Variants in GPC5 observed in about 807,000 individuals in gnomAD.
GPC5 encodes the protein glypican 5.
GPC5 carries 47 observed loss-of-function variants against 53.9 expected under a neutral mutation model. The ratio of observed to expected loss-of-function variants is 0.87; its 90% confidence interval spans 0.69 to 1.11. GPC5 has a LOEUF of 1.11. Ranked by LOEUF, GPC5 falls within the 50% of genes most tolerant of loss-of-function variation. The pLI is 0.00. For missense variants in GPC5, 748 were observed against 713.1 expected (o/e 1.05, Z -0.56); for synonymous variants, 286 against 263.3 (o/e 1.09, Z -0.84).
chr13:91,525,371 A>G (rs1018593856), intron 2 of GPC5, among the ~76,000 whole-genome samples: 7 of 152,174 alleles, frequency 4.6e-5, no homozygotes, highest in Non-Finnish European at 8.8e-5. Context: ...ATTGAAATCC[A>G]TTGGTGGTAT....
intron 7 of GPC5, among the ~76,000 whole-genome samples, chr13:92,330,265 G>A (rs1019915295): frequency 6.6e-6 from 1 of 152,188 alleles, no homozygotes; most frequent in Non-Finnish European, 1.5e-5. Flanking sequence ...GAGGCTGCCA[G>A]TGGTCGAGTT....
At chr13:92,643,080 T>A (rs1305014898) in intron 7 of GPC5, among the ~76,000 whole-genome samples, 1 of 152,200 alleles carries the variant, frequency 6.6e-6, no homozygotes, top group Non-Finnish European at 1.5e-5. Flanking sequence ...TGTTCGTTTT[T>A]TTCTTGTAAA....
At chr13:92,504,312 T>G (rs1023851781) in intron 7 of GPC5, among the ~76,000 whole-genome samples, 1 of 151,888 alleles carries the variant, frequency 6.6e-6, no homozygotes, top group African/African-American at 2.4e-5. Flanking sequence ...TGTTGACAGG[T>G]ATAAAACACT....
intron 7 of GPC5, among the ~76,000 whole-genome samples, chr13:92,395,864 G>C (rs909183379): frequency 6.8e-6 from 1 of 147,332 alleles, no homozygotes. Context: ...CTTTGTTTTG[G>C]TTTTCTGCAG....
At chr13:92,014,398 T>C (rs1272097109) in intron 6 of GPC5, among the ~76,000 whole-genome samples, 2 of 152,188 alleles carry the variant, frequency 1.3e-5, no homozygotes, top group Non-Finnish European at 2.9e-5. Context: ...CACGTTGTTG[T>C]TGGTGTTTAT....
chr13:92,332,232 T>C (rs1278487727), intron 7 of GPC5, among the ~76,000 whole-genome samples: 1 of 152,148 alleles, frequency 6.6e-6, no homozygotes. Context: ...AGGCAGGATA[T>C]ATTTGAATTT....
At chr13:91,702,095 C>T (rs915019474) in intron 3 of GPC5, among the ~76,000 whole-genome samples, 3 of 151,956 alleles carry the variant, frequency 2.0e-5, no homozygotes, top group African/African-American at 7.2e-5. Flanking sequence ...TGTATGTTTT[C>T]CTTGGAGAAA....
At chr13:91,947,619 A>C (rs1263894695) in intron 6 of GPC5, among the ~76,000 whole-genome samples, 1 of 135,514 alleles carries the variant, frequency 7.4e-6, no homozygotes, top group Non-Finnish European at 1.7e-5. Flanking sequence ...TTGCTGCCTA[A>C]TGTGCTAGTA....
At chr13:91,435,812 G>A (rs183645783) in intron 1 of GPC5, among the ~76,000 whole-genome samples, 2 of 152,142 alleles carry the variant, frequency 1.3e-5, no homozygotes, top group Non-Finnish European at 1.5e-5. Context: ...GAATCCATCT[G>A]GTCCTGGACT....
intron 7 of GPC5, among the ~76,000 whole-genome samples, chr13:92,393,917 AT>A (rs147868726): frequency 0.032 from 4,805 of 152,112 alleles, 136 homozygotes; most frequent in East Asian, 0.15. Flanking sequence ...TTTCCTTGAG[AT>A]TTTTTTATCT....
intron 5 of GPC5, among the ~76,000 whole-genome samples, chr13:91,876,903 C>T (rs1273460266): frequency 6.6e-6 from 1 of 152,170 alleles, no homozygotes; most frequent in African/African-American, 2.4e-5. Context: ...CCCAGGGTGC[C>T]TGTGCTATAT....
chr13:92,551,593 T>C (rs1012700615), intron 7 of GPC5, among the ~76,000 whole-genome samples: 2 of 151,894 alleles, frequency 1.3e-5, no homozygotes, highest in Admixed American at 1.3e-4. Context: ...GAAAGCAACC[T>C]GTTTTTATTT....
intron 7 of GPC5, among the ~76,000 whole-genome samples, chr13:92,757,181 A>G (rs1171894615): frequency 2.0e-5 from 3 of 152,204 alleles, no homozygotes; most frequent in Non-Finnish European, 4.4e-5. Context: ...AACGCCGCAT[A>G]TCTACAACTA....
At chr13:92,235,103 G>A (rs2042560599) in intron 7 of GPC5, among the ~76,000 whole-genome samples, 1 of 152,082 alleles carries the variant, frequency 6.6e-6, no homozygotes, top group Non-Finnish European at 1.5e-5. Context: ...AAAAATTGGG[G>A]ACTAGAAGAG....
chr13:92,703,802 G>A (rs1018855644), intron 7 of GPC5, among the ~76,000 whole-genome samples: 2 of 151,832 alleles, frequency 1.3e-5, no homozygotes, highest in Non-Finnish European at 2.9e-5. Flanking sequence ...TGTTCAGTAA[G>A]TTTAAATATA....
At chr13:92,076,564 A>ATTTTTT (rs35009219) in intron 6 of GPC5, among the ~76,000 whole-genome samples, 1 of 148,158 alleles carries the variant, frequency 6.7e-6, no homozygotes, top group Non-Finnish European at 1.5e-5. Flanking sequence ...CTAAGCTCAG[A>ATTTTTT]TTTTTTTTTT....
chr13:92,385,349 T>C (rs2043784614), intron 7 of GPC5, among the ~76,000 whole-genome samples: 1 of 89,274 alleles, frequency 1.1e-5, no homozygotes, highest in Non-Finnish European at 2.3e-5. Context: ...TATATATACA[T>C]ATATACATAT....
chr13:91,751,710 A>C (rs531543720), intron 4 of GPC5, among the ~76,000 whole-genome samples: 1 of 152,312 alleles, frequency 6.6e-6, no homozygotes, highest in South Asian at 2.1e-4. Flanking sequence ...AAACAAGCTC[A>C]TTACCACAAA....
intron 7 of GPC5, among the ~76,000 whole-genome samples, chr13:92,609,446 C>T (rs1021538543): frequency 6.6e-6 from 1 of 152,116 alleles, no homozygotes; most frequent in Non-Finnish European, 1.5e-5. Flanking sequence ...AAGGAAAACA[C>T]TGGAAATGGC....
Sources: gnomAD v4.1 joint callset for allele counts (sites outside exome capture counted in the v4.1 genomes callset) on GRCh38, gnomAD v4.1.1 for gene constraint, MANE v1.5 for transcripts, NCBI Gene and HGNC (gene_info 2026-07-23, HGNC 2026-07-21) for gene names.